LINGO2: variants seen among roughly 807,000 people sequenced by gnomAD.
LINGO2 encodes leucine-rich repeat and immunoglobulin-like domain-containing nogo receptor-interacting protein 2.
In LINGO2, 14 loss-of-function variants were observed where a neutral mutation model predicts 30.6. That is an observed-to-expected ratio of 0.46 (90% CI 0.30 to 0.72). The LOEUF (loss-of-function observed/expected upper bound fraction) is 0.72, where lower values mean the gene tolerates loss of function less well. Ranked by LOEUF, LINGO2 falls within the 30% of genes least tolerant of loss-of-function variation. The pLI, the probability that LINGO2 is intolerant of heterozygous loss-of-function variation, is 0.07. For synonymous variants in LINGO2, 317 were observed against 288.5 expected, an observed-to-expected ratio of 1.10 and a Z score of -1.00; for missense variants, 729 against 751.7, an observed-to-expected ratio of 0.97 and a Z score of 0.35.
intron 1 of LINGO2, among the ~76,000 whole-genome samples, chr9:28,579,866 T>C (rs913910890): frequency 3.9e-5 from 6 of 152,112 alleles, no homozygotes; most frequent in Non-Finnish European, 8.8e-5. Context: ...CCATTCATAC[T>C]CCTGTCAAGA....
the LINGO2 span, among the ~76,000 whole-genome samples, chr9:28,854,500 T>TA: frequency 1.4e-4 from 21 of 152,000 alleles, 1 homozygote; most frequent in African/African-American, 4.8e-4. Flanking sequence ...AAACAGAAAA[T>TA]CACTGATTGA....
chr9:28,848,069 A>T, the LINGO2 span, among the ~76,000 whole-genome samples: 1 of 43,510 alleles, frequency 2.3e-5, no homozygotes, highest in African/African-American at 1.0e-4. Flanking sequence ...ATATGTATAT[A>T]ATATATATAT....
At chr9:28,757,722 A>G in the LINGO2 span, among the ~76,000 whole-genome samples, 1 of 151,860 alleles carries the variant, frequency 6.6e-6, no homozygotes, top group South Asian at 2.1e-4. Context: ...TAGGACCTCT[A>G]ACTTCCCCTG....
intron 4 of LINGO2, among the ~76,000 whole-genome samples, chr9:28,164,538 A>C (rs540886396): frequency 2.6e-5 from 4 of 152,310 alleles, no homozygotes; most frequent in South Asian, 4.1e-4. Context: ...GTTATCTGTC[A>C]CCAGAGCCCA....
chr9:29,061,570 C>T, the LINGO2 span, among the ~76,000 whole-genome samples: 8 of 151,926 alleles, frequency 5.3e-5, no homozygotes, highest in Non-Finnish European at 1.2e-4. Flanking sequence ...GTAGCCAAGA[C>T]TATTCAATGG....
chr9:29,146,555 C>T, the LINGO2 span, among the ~76,000 whole-genome samples: 17 of 152,224 alleles, frequency 1.1e-4, no homozygotes, highest in South Asian at 6.2e-4. Flanking sequence ...TTATAGAAAA[C>T]CAGCTATTTA....
intron 2 of LINGO2, among the ~76,000 whole-genome samples, chr9:28,391,604 CGTGTGTGTGTGTGTGTGT>C (rs35676869): frequency 6.8e-6 from 1 of 147,732 alleles, no homozygotes; most frequent in Admixed American, 6.7e-5. Context: ...TTTATGTTTG[CGTGTGTGTGTGTGTGTGT>C]GTGTGTGTGT....
At chr9:28,209,599 G>A (rs924198130) in intron 4 of LINGO2, among the ~76,000 whole-genome samples, 14 of 151,454 alleles carry the variant, frequency 9.2e-5, no homozygotes, top group African/African-American at 2.2e-4. Flanking sequence ...TTTAATAAAC[G>A]TTTTTGAATT....
chr9:29,020,255 A>C, the LINGO2 span, among the ~76,000 whole-genome samples: 1 of 152,208 alleles, frequency 6.6e-6, no homozygotes, highest in Admixed American at 6.5e-5. Context: ...GAACTAACGG[A>C]CTAATGGACA....
intron 4 of LINGO2, among the ~76,000 whole-genome samples, chr9:28,022,159 C>T (rs1198659058): frequency 6.6e-6 from 1 of 151,972 alleles, no homozygotes; most frequent in Non-Finnish European, 1.5e-5. Flanking sequence ...TTGCAATATA[C>T]ATAATTCACT....
At chr9:27,983,306 C>T (rs769792390) in intron 5 of LINGO2, among the ~76,000 whole-genome samples, 6 of 151,752 alleles carry the variant, frequency 4.0e-5, no homozygotes, top group Admixed American at 1.3e-4. Flanking sequence ...ACTGGTGTTC[C>T]GTATCATAAA....
At chr9:28,047,612 C>T (rs1041927644) in intron 4 of LINGO2, among the ~76,000 whole-genome samples, 5 of 150,702 alleles carry the variant, frequency 3.3e-5, no homozygotes, top group African/African-American at 1.2e-4. Context: ...CAATCTACAC[C>T]TCAGCTTCCT....
At chr9:28,487,705 C>G (rs1026085281) in intron 1 of LINGO2, among the ~76,000 whole-genome samples, 4 of 152,100 alleles carry the variant, frequency 2.6e-5, no homozygotes, top group African/African-American at 4.8e-5. Flanking sequence ...ACTGTGACAC[C>G]TTAGGCCTGA....
intron 4 of LINGO2, among the ~76,000 whole-genome samples, chr9:28,057,497 T>A (rs77066559): frequency 0.016 from 1,911 of 117,302 alleles, 27 homozygotes; most frequent in Middle Eastern, 0.088. Context: ...GGCTTTCCAG[T>A]TGTGAATGTA....
At chr9:28,012,588 AAGCCACC>A (rs1822614006) in intron 4 of LINGO2, among the ~76,000 whole-genome samples, 1 of 151,908 alleles carries the variant, frequency 6.6e-6, no homozygotes, top group African/African-American at 2.4e-5. Flanking sequence ...CAATCCATTC[AAGCCACC>A]AGCTCCTCCT....
chr9:28,431,068 G>C (rs1448615677), intron 2 of LINGO2, among the ~76,000 whole-genome samples: 1 of 142,842 alleles, frequency 7.0e-6, no homozygotes, highest in Non-Finnish European at 1.6e-5. Flanking sequence ...GAGAGAGAGA[G>C]AGAAACTCAA....
In LINGO2 at chr9:28,278,735, T is replaced by A. The variant is rs1163932048; in HGVS notation, c.-87+16473A>T. On this transcript the variant is annotated intron_variant, in intron 4 of 5. Transcript: ENST00000379992. ...CTGATAGAGATTTACAAGAATAATG[T>A]TGTTTTCATGCCTATTAACACAACA... Among the ~76,000 whole-genome samples the A allele has an allele frequency of 2.0e-5, 3 of 152,212 alleles. No individual in the cohort carries two copies. The East Asian group carries it at 5.8e-4, about 29-fold the overall frequency.
the LINGO2 span, among the ~76,000 whole-genome samples, chr9:28,890,248 G>A: frequency 6.6e-6 from 1 of 151,848 alleles, no homozygotes. Flanking sequence ...AAAAGAAGGG[G>A]TTTTGATCTC....
At chr9:29,193,193 C>G in the LINGO2 span, among the ~76,000 whole-genome samples, 2 of 152,322 alleles carry the variant, frequency 1.3e-5, no homozygotes, top group South Asian at 4.1e-4. Context: ...ACTCTTTTGT[C>G]CCATTACCAC....
Sources: gnomAD v4.1 joint callset for allele counts (sites outside exome capture counted in the v4.1 genomes callset) on GRCh38, gnomAD v4.1.1 for gene constraint, MANE v1.5 for transcripts, NCBI Gene and HGNC (gene_info 2026-07-23, HGNC 2026-07-21) for gene names.